The following TTC27 variants were observed in gnomAD, a reference collection of about 807,000 sequenced individuals.
TTC27 encodes the protein tetratricopeptide repeat domain 27.
Under a neutral mutation model 115.9 loss-of-function variants are expected in TTC27, and 79 were observed. That is an observed-to-expected ratio of 0.68 (90% CI 0.57 to 0.82). The LOEUF (loss-of-function observed/expected upper bound fraction) is 0.82, where lower values mean the gene tolerates loss of function less well. TTC27 is among the 40% of genes least tolerant of loss of function. TTC27 has a pLI of 0.00. For missense variants in TTC27, 1,054 were observed against 993.1 expected (o/e 1.06, Z -0.82); for synonymous variants, 401 against 356.0 (o/e 1.13, Z -1.42).
At chr2:32,758,556 T>C (rs769778846) in intron 13 of TTC27, 37 bp downstream of exon 13, 8 of 1,582,494 alleles carry the variant, frequency 5.1e-6, no homozygotes, top group Middle Eastern at 3.3e-4. Context: ...CTCTCAGCGC[T>C]TGTGCTGTTC....
chr2:32,786,247 G>C (rs1446374059), intron 15 of TTC27, among the ~76,000 whole-genome samples: 1 of 152,026 alleles, frequency 6.6e-6, no homozygotes, highest in Non-Finnish European at 1.5e-5. Context: ...TCAGCCTCCT[G>C]AGTAGCTGGG....
chr2:32,647,533 T>A (rs760489992), intron 4 of TTC27, among the ~76,000 whole-genome samples: 10 of 152,222 alleles, frequency 6.6e-5, no homozygotes, highest in Non-Finnish European at 1.3e-4. Context: ...TTGAAAGGAT[T>A]TTGTCATGGA....
chr2:32,753,182 T>A (rs531198704), intron 12 of TTC27, among the ~76,000 whole-genome samples: 71 of 152,204 alleles, frequency 4.7e-4, no homozygotes, highest in African/African-American at 1.7e-3. Context: ...CTTCACAGCA[T>A]GATGACTACA....
At chr2:32,691,524 C>G (rs1054580255) in intron 9 of TTC27, among the ~76,000 whole-genome samples, 1 of 152,008 alleles carries the variant, frequency 6.6e-6, no homozygotes, top group Non-Finnish European at 1.5e-5. Context: ...GTCTTGAACT[C>G]CTGACCTCAG....
At chr2:32,783,457 G>A (rs759235656) in intron 15 of TTC27, among the ~76,000 whole-genome samples, 1 of 152,214 alleles carries the variant, frequency 6.6e-6, no homozygotes, top group Non-Finnish European at 1.5e-5. Flanking sequence ...TGAAATATAC[G>A]GTGAGAGATA....
intron 4 of TTC27, among the ~76,000 whole-genome samples, chr2:32,644,165 A>G (rs1279619422): frequency 7.1e-6 from 1 of 141,780 alleles, no homozygotes; most frequent in Non-Finnish European, 1.5e-5. Context: ...TGAGCAACAC[A>G]GCGAGACTCT....
At chr2:32,796,119 G>A (rs560491607) in intron 16 of TTC27, among the ~76,000 whole-genome samples, 6 of 152,280 alleles carry the variant, frequency 3.9e-5, no homozygotes, top group African/African-American at 1.4e-4. Context: ...GTAGCAGGAT[G>A]CAAAGTCAGC....
intron 18 of TTC27, among the ~76,000 whole-genome samples, chr2:32,817,064 C>T (rs1349410360): frequency 1.3e-5 from 2 of 151,874 alleles, no homozygotes; most frequent in Admixed American, 1.3e-4. Flanking sequence ...CCTGTTTTTC[C>T]CAAAATTCCC....
intron 18 of TTC27, among the ~76,000 whole-genome samples, chr2:32,813,635 C>T (rs1269633244): frequency 6.6e-6 from 1 of 152,116 alleles, no homozygotes; most frequent in African/African-American, 2.4e-5. Context: ...AGGACTTGAG[C>T]TATAGATGAT....
chr2:32,658,408 C>A (rs1665415104), intron 5 of TTC27, among the ~76,000 whole-genome samples: 2 of 152,186 alleles, frequency 1.3e-5, no homozygotes, highest in Non-Finnish European at 2.9e-5. Flanking sequence ...AGGCTCTGTG[C>A]CCAGCCTGAG....
intron 13 of TTC27, among the ~76,000 whole-genome samples, chr2:32,775,228 C>T (rs576968874): frequency 3.9e-5 from 6 of 152,272 alleles, no homozygotes; most frequent in African/African-American, 7.2e-5. Context: ...GACGGAGTCT[C>T]GCTCTGTCAC....
chr2:32,719,112 T>C (rs1212136636), intron 10 of TTC27, among the ~76,000 whole-genome samples: 1 of 152,118 alleles, frequency 6.6e-6, no homozygotes, highest in African/African-American at 2.4e-5. Flanking sequence ...CTCAGTATGG[T>C]GTCTGAAGCA....
In TTC27 at chr2:32,820,796, C is replaced by T; in HGVS notation, c.2410-20C>T. 6.6e-7 allele frequency: 1 copy of T among 1,513,224 alleles called. No homozygotes were observed. The highest frequency in any genetic ancestry group is 1.3e-5 in the South Asian group (1 of 77,026). The allele number at this position is 1,513,224 out of a possible 1,614,324, so 93.7% of individuals were successfully genotyped here. ...AATTTGTGTTGTTTTAATACTTCTGCTTTGTTTTTTATATTACAGCAACTT... is the reference window on the plus strand; with the variant it reads ...AATTTGTGTTGTTTTAATACTTCTGTTTTGTTTTTTATATTACAGCAACTT... On this transcript the variant is annotated intron_variant, in intron 19 of 19. Transcript: ENST00000317907.
chr2:32,670,302 G>A (rs186130405), intron 7 of TTC27, among the ~76,000 whole-genome samples: 45 of 152,244 alleles, frequency 3.0e-4, no homozygotes, highest in Admixed American at 2.6e-4. Flanking sequence ...ATTACACTTT[G>A]TTGAGATTTA....
rs115442248 is a variant in TTC27, at chr2:32,791,692, G to C, written c.1998+4543G>C. Among the ~76,000 whole-genome samples, 1,410 of 152,102 alleles carry C rather than the reference G, an allele frequency of 9.3e-3. 16 individuals are homozygous for C. Among genetic ancestry groups the C allele is most frequent in the African/African-American group, 0.033 (1,372 of 41,478 alleles). The stretch of plus-strand genomic sequence containing the variant: ...GTGCTTGTGAACTATACCTAACAAA[G>C]GTTTTTAAAAATTCAGACATAATGT... On this transcript the variant is annotated intron_variant, in intron 16 of 19. Coordinates refer to ENST00000317907, the MANE Select transcript of TTC27 (RefSeq NM_017735.5).
At chr2:32,705,760 T>C (rs911956954) in intron 10 of TTC27, among the ~76,000 whole-genome samples, 2 of 152,020 alleles carry the variant, frequency 1.3e-5, no homozygotes, top group South Asian at 2.1e-4. Flanking sequence ...CACTATGTTG[T>C]CCAGGCTGGT....
At chr2:32,800,144 A>G (rs1326001077) in intron 16 of TTC27, among the ~76,000 whole-genome samples, 1 of 152,188 alleles carries the variant, frequency 6.6e-6, no homozygotes, top group East Asian at 1.9e-4. Context: ...AATATATGTA[A>G]AGGGCGGGGA....
At chr2:32,650,353 CTTTTTT>C (rs368973893) in intron 5 of TTC27, 120 bp downstream of exon 5, 7,456 of 211,196 alleles carry the variant, frequency 0.035, 28 homozygotes, top group Middle Eastern at 0.062. Flanking sequence ...TGAGTTGTTT[CTTTTTT>C]TTTTTTTTTT....
chr2:32,646,557 G>GTT (rs369232306), intron 4 of TTC27, among the ~76,000 whole-genome samples: 3,361 of 114,408 alleles, frequency 0.029, 159 homozygotes, highest in Non-Finnish European at 0.041. Flanking sequence ...TCTATATTTG[G>GTT]TTTTTTTTTT....
Sources: gnomAD v4.1 joint callset for allele counts (sites outside exome capture counted in the v4.1 genomes callset) on GRCh38, gnomAD v4.1.1 for gene constraint, MANE v1.5 for transcripts, NCBI Gene and HGNC (gene_info 2026-07-23, HGNC 2026-07-21) for gene names.